Variants in ERBB4 observed in about 807,000 individuals in gnomAD.
ERBB4 encodes receptor tyrosine-protein kinase erbB-4.
In ERBB4, 42 loss-of-function variants were observed where a neutral mutation model predicts 158.0. The ratio of observed to expected loss-of-function variants is 0.27; its 90% CI spans 0.21 to 0.34. ERBB4 has a LOEUF of 0.34. Ranked by LOEUF, ERBB4 falls within the 10% of genes least tolerant of loss-of-function variation. ERBB4 has a pLI of 1.00. For synonymous variants in ERBB4, 583 were observed against 558.7 expected, an observed-to-expected ratio of 1.04 and a Z score of -0.61; for missense variants, 1,333 against 1,624.1, an observed-to-expected ratio of 0.82 and a Z score of 3.08.
Position 212,324,478 on chromosome 2 carries a change from TG to T in ERBB4, c.83-199576del, listed in dbSNP as rs1347572298. Among the ~76,000 whole-genome samples the T allele has an allele frequency of 1.2e-3, 105 of 90,508 alleles. 1 individual carries two copies. Among genetic ancestry groups the T allele is most frequent in the South Asian group, 3.2e-3 (10 of 3,140 alleles). 59.4% of individuals were successfully genotyped at this position (90,508 alleles called of 152,430 possible). A position where few individuals can be genotyped will look rare whatever the true frequency, so the allele number is the denominator to read the frequency against. On this transcript the variant is annotated intron_variant, in intron 1 of 27. Transcript: ENST00000342788. The stretch of plus-strand genomic sequence containing the variant: ...AACAGCTTAGGAGCAGCGGGTTTTT[TG>T]TTTTTGTTTTTTTTTCCTTTAGTTG...
intron 1 of ERBB4, among the ~76,000 whole-genome samples, chr2:212,382,132 C>A (rs1045912321): frequency 6.6e-6 from 1 of 150,570 alleles, no homozygotes; most frequent in East Asian, 1.9e-4. Context: ...CATATACACA[C>A]ATAAATGTAT....
At chr2:211,759,357 G>A (rs1211554874) in intron 4 of ERBB4, among the ~76,000 whole-genome samples, 5 of 152,064 alleles carry the variant, frequency 3.3e-5, no homozygotes, top group Non-Finnish European at 7.3e-5. Flanking sequence ...TAGCCAGAGC[G>A]ATCTTTTTAG....
intron 20 of ERBB4, among the ~76,000 whole-genome samples, chr2:211,432,139 T>C (rs1000263683): frequency 1.3e-5 from 2 of 152,210 alleles, no homozygotes; most frequent in Non-Finnish European, 2.9e-5. Flanking sequence ...CATTTAAAAA[T>C]AGATTAGAAT....
chr2:212,176,580 T>C (rs2125681665), intron 1 of ERBB4, among the ~76,000 whole-genome samples: 2 of 152,126 alleles, frequency 1.3e-5, no homozygotes, highest in South Asian at 4.1e-4. Flanking sequence ...TATTTTATTA[T>C]AGCAGCCTGA....
chr2:212,131,834 A>C (rs980508267), intron 1 of ERBB4, among the ~76,000 whole-genome samples: 4 of 152,182 alleles, frequency 2.6e-5, no homozygotes, highest in Non-Finnish European at 5.9e-5. Context: ...GTGTCACCTC[A>C]ACAGGTAAAG....
chr2:211,802,151 C>A (rs1037014206), intron 3 of ERBB4, among the ~76,000 whole-genome samples: 9 of 151,838 alleles, frequency 5.9e-5, no homozygotes, highest in African/African-American at 2.2e-4. Context: ...CGCAGCTACT[C>A]GGGAGGCTGA....
At chr2:212,217,936 G>T (rs2083155489) in intron 1 of ERBB4, among the ~76,000 whole-genome samples, 1 of 151,228 alleles carries the variant, frequency 6.6e-6, no homozygotes, top group Admixed American at 6.6e-5. Context: ...TCTTAAGACA[G>T]AATGTTGAAT....
At chr2:212,042,784 A>G (rs1240843846) in intron 2 of ERBB4, among the ~76,000 whole-genome samples, 2 of 152,156 alleles carry the variant, frequency 1.3e-5, no homozygotes, top group Admixed American at 6.6e-5. Context: ...CTTGTCATCC[A>G]CATGGTTTAC....
At chr2:212,360,902 G>A (rs1439386309) in intron 1 of ERBB4, among the ~76,000 whole-genome samples, 1 of 151,606 alleles carries the variant, frequency 6.6e-6, no homozygotes, top group East Asian at 1.9e-4. Context: ...GTATTAATAA[G>A]CCCAGATTTT....
chr2:212,227,825 A>T (rs1444020143), intron 1 of ERBB4, among the ~76,000 whole-genome samples: 2 of 139,874 alleles, frequency 1.4e-5, no homozygotes, highest in Admixed American at 7.0e-5. Flanking sequence ...TGTCCAGTAT[A>T]AAAAAAAAAA....
chr2:212,189,040 A>G (rs540374815), intron 1 of ERBB4, among the ~76,000 whole-genome samples: 34 of 134,838 alleles, frequency 2.5e-4, no homozygotes, highest in Non-Finnish European at 4.1e-4. Flanking sequence ...CTTATCCAAA[A>G]TGCTTGGGAC....
intron 25 of ERBB4, among the ~76,000 whole-genome samples, chr2:211,409,845 A>G (rs2063221489): frequency 6.6e-6 from 1 of 152,202 alleles, no homozygotes; most frequent in African/African-American, 2.4e-5. Context: ...ATTTTCCAGT[A>G]TCAGTATACA....
chr2:212,090,973 G>A (rs1283242449), intron 2 of ERBB4, among the ~76,000 whole-genome samples: 3 of 151,962 alleles, frequency 2.0e-5, no homozygotes, highest in Non-Finnish European at 4.4e-5. Context: ...ATCTTACGTT[G>A]TGTTGGTCAC....
At chr2:212,044,170 C>T (rs1234133389) in intron 2 of ERBB4, among the ~76,000 whole-genome samples, 4 of 152,132 alleles carry the variant, frequency 2.6e-5, no homozygotes, top group Non-Finnish European at 4.4e-5. Flanking sequence ...TATATTTTTC[C>T]ATGATACCAT....
intron 4 of ERBB4, among the ~76,000 whole-genome samples, chr2:211,775,600 G>C (rs1469797340): frequency 6.6e-6 from 1 of 152,192 alleles, no homozygotes; most frequent in East Asian, 1.9e-4. Flanking sequence ...GTTTGTCCAA[G>C]CACACTTTCC....
chr2:212,147,818 C>T (rs997789961), intron 1 of ERBB4, among the ~76,000 whole-genome samples: 6 of 152,144 alleles, frequency 3.9e-5, no homozygotes, highest in Admixed American at 6.5e-5. Flanking sequence ...AAGAAACTGG[C>T]TTTCTAAACT....
In ERBB4 at chr2:211,750,690, T is replaced by C; in HGVS notation, c.571A>G (p.Lys191Glu). Residue 191 changes from lysine (K) to glutamate (E), a missense_variant, in exon 5 of 28, where the codon AAG becomes GAG. Physicochemically the swap from Lys to Glu is moderately conservative, Grantham distance 56. Around this residue, in one of 5 missense-constraint regions of ERBB4, gnomAD observed 438 missense variants for 586.9 expected, o/e 0.75. Transcript: ENST00000342788. ...NGSSGCGRCH[K>E]SCTGRCWGPT... ...CCCCAGCAACGGCCAGTACAGGACTTATGGCAACGTCCACCTGCAGAACAC... is the reference window on the plus strand; with the variant it reads ...CCCCAGCAACGGCCAGTACAGGACTCATGGCAACGTCCACCTGCAGAACAC... 1.2e-6 allele frequency: 2 copies of C among 1,613,972 alleles called. No individual in the cohort carries two copies. The highest frequency in any genetic ancestry group is 1.7e-6 in the Non-Finnish European group (2 of 1,179,892).
intron 1 of ERBB4, among the ~76,000 whole-genome samples, chr2:212,300,062 A>G (rs551405975): frequency 1.3e-5 from 2 of 151,706 alleles, no homozygotes; most frequent in East Asian, 3.9e-4. Flanking sequence ...AAGTCATTAC[A>G]TCAGCGAATT....
intron 19 of ERBB4, among the ~76,000 whole-genome samples, chr2:211,591,206 G>C (rs1020331976): frequency 5.3e-5 from 8 of 152,306 alleles, no homozygotes; most frequent in African/African-American, 1.9e-4. Flanking sequence ...ATCCTTGATT[G>C]TAATCAGAAT....
Sources: gnomAD v4.1 joint callset for allele counts (sites outside exome capture counted in the v4.1 genomes callset) on GRCh38, gnomAD v4.1.1 for gene constraint, gnomAD v4.1.1 regional missense constraint, MANE v1.5 for transcripts, NCBI Gene and HGNC (gene_info 2026-07-23, HGNC 2026-07-21) for gene names.